The following CTNNA2 variants were observed in gnomAD, a reference collection of about 807,000 sequenced individuals.
The protein encoded by CTNNA2 is catenin alpha 2, also known as catenin alpha-2.
Under a neutral mutation model 101.0 loss-of-function variants are expected in CTNNA2, and 42 were observed. That is an observed-to-expected ratio of 0.42 (90% CI 0.32 to 0.54). The LOEUF (loss-of-function observed/expected upper bound fraction) is 0.54, where lower values mean the gene tolerates loss of function less well. Ranked by LOEUF, CTNNA2 falls within the 20% of genes least tolerant of loss-of-function variation. The pLI, the probability that CTNNA2 is intolerant of heterozygous loss-of-function variation, is 0.14. For missense variants in CTNNA2, 871 were observed against 1,223.1 expected (o/e 0.71, Z 4.29); for synonymous variants, 450 against 456.4 (o/e 0.99, Z 0.18).
chr2:80,576,786 TGAAA>T (rs1257044113), intron 13 of CTNNA2, among the ~76,000 whole-genome samples: 25 of 112,102 alleles, frequency 2.2e-4, no homozygotes, highest in African/African-American at 6.4e-4. Flanking sequence ...CTGTCTCTAC[TGAAA>T]AAAAAAAAAA....
intron 13 of CTNNA2, among the ~76,000 whole-genome samples, chr2:80,577,430 A>G (rs1288002618): frequency 1.3e-5 from 2 of 152,138 alleles, no homozygotes; most frequent in Admixed American, 6.6e-5. Context: ...GGAAATGTCA[A>G]GTGCAAAGGT....
chr2:79,802,763 T>C (rs1281099818), intron 3 of CTNNA2, among the ~76,000 whole-genome samples: 1 of 152,260 alleles, frequency 6.6e-6, no homozygotes, highest in Non-Finnish European at 1.5e-5. Flanking sequence ...AATGTCTCAG[T>C]TACATGCTTT....
rs1044871400 is a variant in CTNNA2, at chr2:80,097,758, G to A, written c.1056+187961G>A. Among the ~76,000 whole-genome samples, 8 of 151,540 alleles carry A rather than the reference G, an allele frequency of 5.3e-5. No individual in the cohort carries two copies. The South Asian group carries it at 6.3e-4, about 12-fold the overall frequency. ...CTTCTCACTTCATTTCATTCATTTC[G>A]TCTTCCATCGCTGATACCCTTTCTT... On this transcript the variant is annotated intron_variant, in intron 7 of 18. Coordinates refer to ENST00000402739, the MANE Select transcript of CTNNA2 (RefSeq NM_001282597.3).
rs796696981 is a variant in CTNNA2, at chr2:79,759,395, GATAATA to G, written c.298+14824_298+14829del. 2.4e-3 allele frequency among the ~76,000 whole-genome samples: 133 copies of G among 54,328 alleles called. 2 individuals carry two copies. Among genetic ancestry groups the G allele is most frequent in the African/African-American group, 0.012 (109 of 9,416 alleles). The allele number at this position is 54,328 out of a possible 152,430, so 35.6% of individuals were successfully genotyped here. On this transcript the variant is annotated intron_variant, in intron 3 of 18. Transcript: ENST00000402739. ...GTGACAAGAGTGACTCCATCTCAAAGATAATAATAATAATAAATAAAATAAAATTGA... is the reference window on the plus strand; with the variant it reads ...GTGACAAGAGTGACTCCATCTCAAAGATAATAATAAATAAAATAAAATTGA...
chr2:79,853,897 A>G (rs1447715747), intron 3 of CTNNA2, among the ~76,000 whole-genome samples: 1 of 151,746 alleles, frequency 6.6e-6, no homozygotes, highest in African/African-American at 2.4e-5. Context: ...TGAACTCCCG[A>G]CCTCAGGTGA....
chr2:79,866,988 A>G (rs1405004409), intron 4 of CTNNA2, among the ~76,000 whole-genome samples: 1 of 152,154 alleles, frequency 6.6e-6, no homozygotes, highest in Non-Finnish European at 1.5e-5. Context: ...ATCTGACCTC[A>G]TAGCCCTCCT....
intron 2 of CTNNA2, among the ~76,000 whole-genome samples, chr2:79,235,874 G>A (rs1674550268): frequency 6.6e-6 from 1 of 152,186 alleles, no homozygotes; most frequent in African/African-American, 2.4e-5. Context: ...ATCAGTGACA[G>A]GGATGGGTCG....
At chr2:80,089,516 G>C (rs1000630122) in intron 7 of CTNNA2, among the ~76,000 whole-genome samples, 1 of 151,262 alleles carries the variant, frequency 6.6e-6, no homozygotes, top group Non-Finnish European at 1.5e-5. Flanking sequence ...AACCAATTAC[G>C]CTCATAGATA....
intron 7 of CTNNA2, among the ~76,000 whole-genome samples, chr2:80,042,067 C>A (rs531784345): frequency 6.6e-6 from 1 of 152,306 alleles, no homozygotes; most frequent in Admixed American, 6.5e-5. Flanking sequence ...CAGGTTCAAG[C>A]AGTTCTCCTG....
chr2:79,343,068 C>T (rs906352110), intron 3 of CTNNA2, among the ~76,000 whole-genome samples: 8 of 152,052 alleles, frequency 5.3e-5, no homozygotes, highest in Non-Finnish European at 1.2e-4. Context: ...TGCAGCTGTG[C>T]ACATTGATTT....
intron 13 of CTNNA2, among the ~76,000 whole-genome samples, chr2:80,580,757 G>A (rs1695461206): frequency 6.6e-6 from 1 of 152,284 alleles, no homozygotes; most frequent in South Asian, 2.1e-4. Flanking sequence ...ACTCATGCTT[G>A]TAATCCTAGC....
Position 79,925,268 on chromosome 2 carries a change from A to G in CTNNA2, c.1056+15471A>G, listed in dbSNP as rs867341505. On this transcript the variant is annotated intron_variant, in intron 7 of 18. Transcript: ENST00000402739. ...TTGAACTTATGTCTTTTTAATCCTT[A>G]GAACTTTTATTAGGTATGTGACCCA... Among the ~76,000 whole-genome samples the G allele has an allele frequency of 5.3e-5, 8 of 152,224 alleles. No individual in the cohort carries two copies. In the South Asian group the frequency reaches 8.3e-4, roughly 16 times the overall value.
intron 7 of CTNNA2, among the ~76,000 whole-genome samples, chr2:79,954,017 G>T (rs562537685): frequency 1.3e-5 from 2 of 152,132 alleles, no homozygotes; most frequent in Non-Finnish European, 2.9e-5. Context: ...AAAGGAAAGA[G>T]GTTTAGTTGA....
At chr2:79,817,102 T>C (rs1401289126) in intron 3 of CTNNA2, among the ~76,000 whole-genome samples, 1 of 151,982 alleles carries the variant, frequency 6.6e-6, no homozygotes, top group East Asian at 1.9e-4. Context: ...TTGTTACATA[T>C]GTATACATGT....
intron 9 of CTNNA2, among the ~76,000 whole-genome samples, chr2:80,460,556 C>G (rs1206885406): frequency 6.6e-6 from 1 of 152,054 alleles, no homozygotes; most frequent in Admixed American, 6.6e-5. Context: ...CCCGCTTCTT[C>G]TTTCCCTCCC....
chr2:79,599,134 A>G (rs1386855670), intron 1 of CTNNA2, among the ~76,000 whole-genome samples: 1 of 151,904 alleles, frequency 6.6e-6, no homozygotes, highest in Non-Finnish European at 1.5e-5. Context: ...TATGTCTGGG[A>G]TCTCCGTCCT....
intron 1 of CTNNA2, among the ~76,000 whole-genome samples, chr2:79,518,018 C>T (rs1428659686): frequency 6.6e-6 from 1 of 152,084 alleles, no homozygotes; most frequent in African/African-American, 2.4e-5. Flanking sequence ...CTCTTTTGAG[C>T]TGAAGGATGT....
chr2:79,536,788 A>G (rs894409058), intron 1 of CTNNA2, among the ~76,000 whole-genome samples: 4 of 150,696 alleles, frequency 2.7e-5, no homozygotes, highest in African/African-American at 9.8e-5. Context: ...TGCAACCTCT[A>G]CCCCCCGGGT....
At chr2:79,959,847 T>A (rs1689506995) in intron 7 of CTNNA2, among the ~76,000 whole-genome samples, 1 of 152,228 alleles carries the variant, frequency 6.6e-6, no homozygotes, top group Non-Finnish European at 1.5e-5. Flanking sequence ...AGCTGCTGAA[T>A]GGTACTTACT....
Sources: allele counts gnomAD v4.1 joint callset (sites outside exome capture counted in the v4.1 genomes callset), GRCh38; gene constraint gnomAD v4.1.1; transcripts MANE v1.5; gene names NCBI Gene and HGNC (gene_info 2026-07-23, HGNC 2026-07-21).